The following ADSS1 variants were observed in gnomAD, a reference collection of about 807,000 sequenced individuals.
ADSS1 encodes the protein adenylosuccinate synthase 1.
A neutral mutation model predicts 59.1 loss-of-function variants in ADSS1; 57 were observed. That is an observed-to-expected ratio of 0.97 (90% CI 0.78 to 1.20). The LOEUF (loss-of-function observed/expected upper bound fraction) is 1.20, where lower values mean the gene tolerates loss of function less well. ADSS1 is among the 50% of genes most tolerant of loss of function. ADSS1 has a pLI of 0.00. For missense variants in ADSS1, 603 were observed against 610.3 expected (o/e 0.99, Z 0.13); for synonymous variants, 247 against 249.4 (o/e 0.99, Z 0.09).
rs2140810664 is a variant in ADSS1 at position 104,740,977 on chromosome 14, T to C, written c.666+57T>C. On this transcript the variant is annotated intron_variant, in intron 7 of 12. Coordinates refer to ENST00000330877, the MANE Select transcript of ADSS1 (RefSeq NM_152328.5). This position sits in a 1 kb window ranked among gnomAD's most constrained non-coding sequence, Gnocchi z 4.8. ...GAAGTGCTCCTCCAGGGAGGCTGGA[T>C]GTCCTACCTGGTGCTCGTTGAACAC... 6.2e-7 allele frequency: 1 copy of C among 1,609,454 alleles called. No homozygotes were observed. The highest frequency in any genetic ancestry group is 8.5e-7 in the Non-Finnish European group (1 of 1,176,308).
Position 104,724,239 on chromosome 14 carries a change from C to A in ADSS1, c.-32C>A. On this transcript the variant is annotated 5_prime_UTR_variant, in exon 1 of 13. Coordinates refer to ENST00000330877, the MANE Select transcript of ADSS1 (RefSeq NM_152328.5). ...GACGCCGGCGGCGGCGGGCTCCTGG[C>A]CGGGCCAGCGCAGCGGAAGAGCCAA... 8.2e-7 allele frequency: 1 copy of A among 1,222,668 alleles called. No homozygotes were observed. The highest frequency in any genetic ancestry group is 3.2e-5 in the East Asian group (1 of 30,844). 75.7% of individuals were successfully genotyped at this position (1,222,668 alleles called of 1,614,324 possible). A position where few individuals can be genotyped will look rare whatever the true frequency, so the allele number is the denominator to read the frequency against.
At position 104,744,843 on chromosome 14, in the gene ADSS1, G is replaced by A. The variant is rs759021404; in HGVS notation, c.1105G>A (p.Val369Ile). The A allele has an allele frequency of 2.4e-5, 39 of 1,614,088 alleles. No homozygotes were observed. Among genetic ancestry groups the A allele is most frequent in the Non-Finnish European group, 2.9e-5 (34 of 1,180,044 alleles). The change falls in exon 11 of 13, where the codon GTA (valine) becomes ATA (isoleucine). Residue 369 changes from valine (V) to isoleucine (I), a missense_variant. Transcript: ENST00000330877. The stretch of plus-strand genomic sequence containing the variant: ...CCTGACGAAGCTGGACATCCTGGAC[G>A]TACTGGGTGAGGTTAAAGTCGGTGT... ...LALTKLDILDVLGEVKVGVSY... is the reference protein window; with the variant it reads ...LALTKLDILDILGEVKVGVSY...
At chr14:104,741,620 G>C (rs777931253) in intron 8 of ADSS1, among the ~76,000 whole-genome samples, 1 of 152,142 alleles carries the variant, frequency 6.6e-6, no homozygotes, top group Non-Finnish European at 1.5e-5. Flanking sequence ...GCCATGCTGT[G>C]GGCAACTTTC....
chr14:104,730,882 C>T (rs1595196531), intron 1 of ADSS1, among the ~76,000 whole-genome samples: 1 of 149,510 alleles, frequency 6.7e-6, no homozygotes, highest in African/African-American at 2.5e-5. Context: ...TTTTCCTAAA[C>T]TCCCTGCCAC....
intron 1 of ADSS1, among the ~76,000 whole-genome samples, chr14:104,725,413 C>T (rs1566792223): frequency 1.3e-5 from 2 of 152,170 alleles, no homozygotes; most frequent in African/African-American, 4.8e-5. Context: ...CAAGGGCCCC[C>T]GCACCGTCCC....
At position 104,746,939 on chromosome 14, in the gene ADSS1, C is replaced by G; in HGVS notation, c.1322-12C>G. ...CCAGTGTGTATCATAACAGTCTTTT[C>G]TGCTCTCTCAGTCAAATGGGTTGGT... On this transcript the variant is annotated splice_polypyrimidine_tract_variant and intron_variant, in intron 12 of 12. Coordinates refer to ENST00000330877, the MANE Select transcript of ADSS1 (RefSeq NM_152328.5). 1 of 1,614,032 alleles carries G rather than the reference C, an allele frequency of 6.2e-7. No individual in the cohort carries two copies. The highest frequency in any genetic ancestry group is 1.1e-5 in the South Asian group (1 of 91,068).
chr14:104,735,551 A>G lies in ADSS1; in HGVS notation c.295+429A>G, dbSNP rs557969303. 1.9e-3 allele frequency among the ~76,000 whole-genome samples: 291 copies of G among 152,264 alleles called. 2 individuals carry two copies. The highest frequency in any genetic ancestry group is 6.7e-3 in the African/African-American group (278 of 41,568). Reference sequence around the variant, plus strand: ...TGCGTGGCGACCAGGCTGTGTGGACAAGGCCGTGCCCTCCCCGGCCCTGCC... The same window carrying G: ...TGCGTGGCGACCAGGCTGTGTGGACGAGGCCGTGCCCTCCCCGGCCCTGCC... On this transcript the variant is annotated intron_variant, in intron 2 of 12. Coordinates refer to ENST00000330877, the MANE Select transcript of ADSS1 (RefSeq NM_152328.5).
At chr14:104,746,535 G>A in intron 12 of ADSS1, 150 bp downstream of exon 12, 1 of 1,215,912 alleles carries the variant, frequency 8.2e-7, no homozygotes, top group Non-Finnish European at 1.1e-6. Flanking sequence ...ACGACTCGGA[G>A]CTGGGGCAGT....
intron 1 of ADSS1, among the ~76,000 whole-genome samples, chr14:104,728,343 A>G (rs1890780955): frequency 6.6e-6 from 1 of 152,138 alleles, no homozygotes; most frequent in Admixed American, 6.5e-5. Flanking sequence ...GCTCCAGGAC[A>G]GAGGGTCCCT....
chr14:104,741,508 G>T (rs1387440294), intron 8 of ADSS1, among the ~76,000 whole-genome samples: 1 of 152,190 alleles, frequency 6.6e-6, no homozygotes, highest in Admixed American at 6.5e-5. Context: ...GGCAAGGTGG[G>T]TCAGAGCCAG....
Position 104,726,757 on chromosome 14 carries a change from G to A in ADSS1, c.192+2295G>A, listed in dbSNP as rs57367215. Among the ~76,000 whole-genome samples, 607 of 152,334 alleles carry A rather than the reference G, an allele frequency of 4.0e-3. 3 individuals carry two copies. The highest frequency in any genetic ancestry group is 0.014 in the African/African-American group (589 of 41,572). On this transcript the variant is annotated intron_variant, in intron 1 of 12. Transcript: ENST00000330877. ...CTGAGCAGAGGACAGAGCGAGGGCC[G>A]AGTGGTCCAGGTGGTCAAAGTGCAC...
intron 1 of ADSS1, among the ~76,000 whole-genome samples, chr14:104,726,833 G>A (rs1338731891): frequency 6.6e-6 from 1 of 152,222 alleles, no homozygotes; most frequent in Non-Finnish European, 1.5e-5. Context: ...CTGGCTGCCA[G>A]GAGGGCTGAA....
intron 1 of ADSS1, among the ~76,000 whole-genome samples, chr14:104,731,171 C>T (rs1363131175): frequency 6.6e-6 from 1 of 152,178 alleles, no homozygotes; most frequent in East Asian, 1.9e-4. Flanking sequence ...CTGCACCATC[C>T]ATCTTCATAT....
intron 8 of ADSS1, 54 bp from the exon 9 acceptor site, chr14:104,741,794 G>A: frequency 6.3e-7 from 1 of 1,598,920 alleles, no homozygotes. Context: ...TGGGCCGGGT[G>A]GAATAATCTA....
intron 2 of ADSS1, among the ~76,000 whole-genome samples, chr14:104,736,980 C>T (rs1891160476): frequency 6.7e-6 from 1 of 150,274 alleles, no homozygotes; most frequent in Non-Finnish European, 1.5e-5. Flanking sequence ...CTCCTGGCCT[C>T]AGGCAATCCT....
intron 1 of ADSS1, among the ~76,000 whole-genome samples, chr14:104,728,327 G>C (rs1372666726): frequency 1.3e-5 from 2 of 152,076 alleles, no homozygotes; most frequent in African/African-American, 4.8e-5. Context: ...TGGTTACTGG[G>C]CCGTGGCTCC....
rs1228555479 is a variant in ADSS1 at position 104,740,290 on chromosome 14, A to C, written c.477-311A>C. The stretch of plus-strand genomic sequence containing the variant: ...GCTCTTACATACACACCACACGCCC[A>C]CGCATGCTCGCACAGTTATGCACAT... On this transcript the variant is annotated intron_variant, in intron 5 of 12. Coordinates refer to ENST00000330877, the MANE Select transcript of ADSS1 (RefSeq NM_152328.5). The surrounding 1 kb of genome is among the most constrained non-coding windows in gnomAD (Gnocchi z 4.8). Among the ~76,000 whole-genome samples, 1 of 152,052 alleles carries C rather than the reference A, an allele frequency of 6.6e-6. No individual in the cohort carries two copies. Among genetic ancestry groups the C allele is most frequent in the Non-Finnish European group, 1.5e-5 (1 of 68,010 alleles).
chr14:104,738,394 A>G lies in ADSS1; in HGVS notation c.314A>G (p.His105Arg), dbSNP rs772867061. The change falls in exon 3 of 13, where the codon CAC becomes CGC. Residue 105 changes from histidine (H) to arginine (R), a missense_variant. Physicochemically the swap from His to Arg is conservative, Grantham distance 29 (BLOSUM62 0). Transcript: ENST00000330877. ...CATGCAGGCAACGGGGTGGTCATCC[A>G]CTTGCCAGGCTTGTTTGAGGAAGCA... ...VSFIGNGVVIHLPGLFEEAEK... is the reference protein window; with the variant it reads ...VSFIGNGVVIRLPGLFEEAEK... The G allele has an allele frequency of 1.2e-6, 2 of 1,614,016 alleles. No individual in the cohort carries two copies. The highest frequency in any genetic ancestry group is 3.3e-5 in the Admixed American group (2 of 60,024).
At chr14:104,730,275 C>G (rs1204190312) in intron 1 of ADSS1, 10 of 1,426,536 alleles carry the variant, frequency 7.0e-6, no homozygotes, top group Non-Finnish European at 7.4e-6. Flanking sequence ...GAGCGGATCA[C>G]TTAGGGTCAG....
Sources: gnomAD v4.1 joint callset for allele counts (sites outside exome capture counted in the v4.1 genomes callset) on GRCh38, gnomAD v4.1.1 for gene constraint, Gnocchi (gnomAD v3.1) non-coding constraint, MANE v1.5 for transcripts, NCBI Gene and HGNC (gene_info 2026-07-23, HGNC 2026-07-21) for gene names.